The following BICD1 variants were observed in gnomAD, a reference collection of about 807,000 sequenced individuals.
The protein encoded by BICD1 is protein bicaudal D homolog 1.
BICD1 carries 35 observed loss-of-function variants against 92.5 expected under a neutral mutation model. The observed-to-expected ratio is 0.38, with a 90% CI of 0.29 to 0.50. The LOEUF is 0.50. Ranked by LOEUF, BICD1 falls within the 20% of genes least tolerant of loss-of-function variation. BICD1 has a pLI of 0.93. For synonymous variants in BICD1, 429 were observed against 465.1 expected (o/e 0.92, Z 1.00); for missense variants, 950 against 1,189.8 (o/e 0.80, Z 2.97).
intron 1 of BICD1, among the ~76,000 whole-genome samples, chr12:32,175,811 G>A (rs540980387): frequency 1.3e-5 from 2 of 152,184 alleles, no homozygotes; most frequent in East Asian, 1.9e-4. Flanking sequence ...GTAATGTAAC[G>A]ATAGATGTTC....
chr12:32,316,286 C>CT (rs77628895), intron 4 of BICD1, among the ~76,000 whole-genome samples: 29 of 147,502 alleles, frequency 2.0e-4, no homozygotes, highest in Admixed American at 9.5e-4. Flanking sequence ...ATGATATTTT[C>CT]TTTTTTTTTT....
chr12:32,256,326 A>G (rs970280889), intron 2 of BICD1, among the ~76,000 whole-genome samples: 6 of 152,216 alleles, frequency 3.9e-5, no homozygotes. Flanking sequence ...CTGGGATTAC[A>G]GGTGTGAGCC....
chr12:32,201,795 A>AC lies in BICD1; in HGVS notation c.214-14451dup, dbSNP rs991126728. On this transcript the variant is annotated intron_variant, in intron 1 of 9. Coordinates refer to ENST00000652176, the MANE Select transcript of BICD1 (RefSeq NM_001714.4). ...ATACGTGTTTGTTTAAAAAAAAAAA[A>AC]CACAATCTTTGAAAAATCTGGAGAA... is the stretch of plus-strand genomic sequence containing the variant. Among the ~76,000 whole-genome samples, 126 of 151,932 alleles carry AC rather than the reference A, an allele frequency of 8.3e-4. 1 individual carries two copies. In the Middle Eastern group the frequency reaches 0.01, roughly 12 times the overall value.
chr12:32,184,349 C>T (rs538036885), intron 1 of BICD1, among the ~76,000 whole-genome samples: 12 of 152,176 alleles, frequency 7.9e-5, no homozygotes, highest in East Asian at 7.7e-4. Flanking sequence ...TGCAGTGGCG[C>T]GATCTTGGCT....
chr12:32,234,766 C>T (rs1213556698), intron 2 of BICD1, among the ~76,000 whole-genome samples: 1 of 149,392 alleles, frequency 6.7e-6, no homozygotes, highest in Non-Finnish European at 1.5e-5. Flanking sequence ...ACCTCCACCT[C>T]CTGAGTGGAG....
chr12:32,357,169 G>A (rs988064369), intron 8 of BICD1, among the ~76,000 whole-genome samples: 10 of 151,770 alleles, frequency 6.6e-5, no homozygotes, highest in African/African-American at 1.7e-4. Context: ...ACGCCACCAC[G>A]CCCGGATAAT....
chr12:32,197,725 T>C (rs1166985770), intron 1 of BICD1, among the ~76,000 whole-genome samples: 2 of 152,184 alleles, frequency 1.3e-5, no homozygotes, highest in Non-Finnish European at 2.9e-5. Flanking sequence ...GAGATTTTTA[T>C]GATGATATGA....
intron 4 of BICD1, among the ~76,000 whole-genome samples, chr12:32,309,343 A>G (rs764436136): frequency 6.6e-6 from 1 of 152,212 alleles, no homozygotes; most frequent in Non-Finnish European, 1.5e-5. Flanking sequence ...TACTTTAAGT[A>G]TAGCTATCTG....
intron 2 of BICD1, among the ~76,000 whole-genome samples, chr12:32,280,365 A>T (rs1947382321): frequency 6.6e-6 from 1 of 152,256 alleles, no homozygotes. Flanking sequence ...TATCTTTTAG[A>T]TGAAGAAATG....
At chr12:32,278,049 G>A (rs1346692139) in intron 2 of BICD1, among the ~76,000 whole-genome samples, 2 of 152,018 alleles carry the variant, frequency 1.3e-5, no homozygotes, top group Non-Finnish European at 2.9e-5. Context: ...TTATCTCTTG[G>A]GTTAGGCCTC....
intron 3 of BICD1, among the ~76,000 whole-genome samples, chr12:32,300,277 T>C (rs888614771): frequency 2.6e-5 from 4 of 152,010 alleles, no homozygotes; most frequent in African/African-American, 9.7e-5. Context: ...AATTTTCTTG[T>C]ATTTTTTAGT....
intron 2 of BICD1, among the ~76,000 whole-genome samples, chr12:32,292,956 CTTAA>C (rs1947762536): frequency 2.0e-5 from 3 of 152,028 alleles, no homozygotes; most frequent in Admixed American, 1.3e-4. Context: ...AAATATTTTA[CTTAA>C]TTGATTGATT....
chr12:32,340,144 C>G, intron 8 of BICD1: 21 of 985,100 alleles, frequency 2.1e-5, no homozygotes, highest in Non-Finnish European at 2.5e-5. Context: ...GCCTTTGGAT[C>G]TCTAATACTT....
intron 2 of BICD1, among the ~76,000 whole-genome samples, chr12:32,255,567 C>T (rs1946694781): frequency 6.6e-6 from 1 of 152,224 alleles, no homozygotes; most frequent in Non-Finnish European, 1.5e-5. Flanking sequence ...AGGCATGGAA[C>T]TTGGAGAAAC....
intron 1 of BICD1, among the ~76,000 whole-genome samples, chr12:32,142,405 TAAAAAAAA>T (rs1162662533): frequency 6.3e-5 from 4 of 63,388 alleles, no homozygotes; most frequent in South Asian, 8.2e-4. Flanking sequence ...AGACTCTGTC[TAAAAAAAA>T]AAAAAAAAAA....
At chr12:32,303,518 A>G (rs1279461801) in intron 3 of BICD1, among the ~76,000 whole-genome samples, 1 of 152,162 alleles carries the variant, frequency 6.6e-6, no homozygotes, top group Non-Finnish European at 1.5e-5. Flanking sequence ...TCCTCCTCGC[A>G]GCCAAATGGC....
intron 8 of BICD1, among the ~76,000 whole-genome samples, chr12:32,350,530 C>A (rs981820559): frequency 6.6e-6 from 1 of 152,070 alleles, no homozygotes; most frequent in African/African-American, 2.4e-5. Context: ...AGCACTTATA[C>A]CTAGACTACT....
rs141504492 is a variant in BICD1, at chr12:32,255,156, T to C, written c.426+38697T>C. Among the ~76,000 whole-genome samples, 1,159 of 152,266 alleles carry C rather than the reference T, an allele frequency of 7.6e-3. 11 individuals carry two copies. The highest frequency in any genetic ancestry group is 0.034 in the Admixed American group (518 of 15,274). On this transcript the variant is annotated intron_variant, in intron 2 of 9. Coordinates refer to ENST00000652176, the MANE Select transcript of BICD1 (RefSeq NM_001714.4). ...TGCTGCATCCTCACGTGACTTTTCC[T>C]CTGTGCTTGCATGGAGAGAAAGAGA... is the stretch of plus-strand genomic sequence containing the variant.
At chr12:32,108,826 G>A in intron 1 of BICD1, 1 of 523,960 alleles carries the variant, frequency 1.9e-6, no homozygotes, top group South Asian at 2.8e-5. Flanking sequence ...GTGTCAGGCT[G>A]TAAATTTCTG....
Sources: allele counts gnomAD v4.1 joint callset (sites outside exome capture counted in the v4.1 genomes callset), GRCh38; gene constraint gnomAD v4.1.1; transcripts MANE v1.5; gene names NCBI Gene and HGNC (gene_info 2026-07-23, HGNC 2026-07-21).